IGSF21: variants seen among roughly 807,000 people sequenced by gnomAD.
The protein encoded by IGSF21 is immunoglobulin superfamily member 21.
A neutral mutation model predicts 46.8 loss-of-function variants in IGSF21; 28 were observed. The observed-to-expected ratio is 0.60, with a 90% confidence interval of 0.44 to 0.82. The LOEUF (loss-of-function observed/expected upper bound fraction) is 0.82. Ranked by LOEUF, IGSF21 falls within the 40% of genes least tolerant of loss-of-function variation. IGSF21 has a pLI of 0.00. For missense variants in IGSF21, 624 were observed against 665.5 expected, an observed-to-expected ratio of 0.94 and a Z score of 0.69; for synonymous variants, 284 against 273.6, an observed-to-expected ratio of 1.04 and a Z score of -0.38.
chr1:18,122,443 G>A lies in IGSF21; in HGVS notation c.70+14245G>A, dbSNP rs368809680. On this transcript the variant is annotated intron_variant, in intron 1 of 9. Transcript: ENST00000251296. Reference sequence around the variant, plus strand: ...TGACCTCAAGTGATCTTCCTGCCTCGGCCTCCCAAAGTGCTGGGATTATAG... The same window carrying A: ...TGACCTCAAGTGATCTTCCTGCCTCAGCCTCCCAAAGTGCTGGGATTATAG... Among the ~76,000 whole-genome samples, 31 of 151,568 alleles carry A rather than the reference G, an allele frequency of 2.0e-4. No homozygotes were observed. The South Asian group carries it at 4.8e-3, about 23-fold the overall frequency.
chr1:18,267,721 G>A (rs2085003609), intron 2 of IGSF21, among the ~76,000 whole-genome samples: 1 of 152,176 alleles, frequency 6.6e-6, no homozygotes, highest in Non-Finnish European at 1.5e-5. Context: ...ACCATGCCTG[G>A]GTCCACCGTC....
At chr1:18,122,037 T>C (rs2086238206) in intron 1 of IGSF21, among the ~76,000 whole-genome samples, 1 of 152,126 alleles carries the variant, frequency 6.6e-6, no homozygotes. Flanking sequence ...GCGGTAGGGG[T>C]ACTGCCTTAT....
At chr1:18,170,578 TG>T (rs2086727109) in intron 1 of IGSF21, among the ~76,000 whole-genome samples, 2 of 151,752 alleles carry the variant, frequency 1.3e-5, no homozygotes, top group South Asian at 4.2e-4. Flanking sequence ...AAGAATCCTA[TG>T]GGAATAGGTA....
intron 3 of IGSF21, among the ~76,000 whole-genome samples, chr1:18,304,952 C>T (rs1337600363): frequency 6.6e-6 from 1 of 152,186 alleles, no homozygotes; most frequent in Non-Finnish European, 1.5e-5. Flanking sequence ...GTGCTTCAAA[C>T]CTTCTTTAAT....
intron 1 of IGSF21, among the ~76,000 whole-genome samples, chr1:18,125,654 G>T (rs2086268489): frequency 6.6e-6 from 1 of 152,238 alleles, no homozygotes; most frequent in Non-Finnish European, 1.5e-5. Flanking sequence ...CAGATAGTGT[G>T]CTGGGCACTG....
intron 1 of IGSF21, chr1:18,114,219 T>A (rs1205919314): frequency 6.6e-6 from 1 of 152,164 alleles, no homozygotes; most frequent in Non-Finnish European, 1.5e-5. Flanking sequence ...AGACTCAAGT[T>A]GTTCCCCGCT....
At chr1:18,184,947 G>C (rs1010367266) in intron 1 of IGSF21, among the ~76,000 whole-genome samples, 3 of 152,206 alleles carry the variant, frequency 2.0e-5, no homozygotes, top group African/African-American at 7.2e-5. Context: ...TTCTCACCTG[G>C]AAAATGGGTT....
At chr1:18,308,220 A>T (rs2085447060) in intron 3 of IGSF21, among the ~76,000 whole-genome samples, 1 of 152,130 alleles carries the variant, frequency 6.6e-6, no homozygotes, top group Non-Finnish European at 1.5e-5. Context: ...AGAAGAATTA[A>T]CGGGGGATCT....
At chr1:18,344,198 C>G (rs2085870391) in intron 4 of IGSF21, among the ~76,000 whole-genome samples, 1 of 152,174 alleles carries the variant, frequency 6.6e-6, no homozygotes, top group Admixed American at 6.5e-5. Flanking sequence ...CTTTTCTTTT[C>G]CACTCTGTCA....
chr1:18,161,139 A>T (rs2086617444), intron 1 of IGSF21, among the ~76,000 whole-genome samples: 1 of 152,168 alleles, frequency 6.6e-6, no homozygotes, highest in East Asian at 1.9e-4. Context: ...AAGGAAAGAA[A>T]ACCCCGTGAC....
At chr1:18,225,083 T>TCACACACA (rs1309548249) in intron 1 of IGSF21, among the ~76,000 whole-genome samples, 2 of 54,906 alleles carry the variant, frequency 3.6e-5, no homozygotes. Context: ...TCTCTCTCTC[T>TCACACACA]CTCACACACA....
chr1:18,169,407 C>T (rs1248743736), intron 1 of IGSF21, among the ~76,000 whole-genome samples: 2 of 152,216 alleles, frequency 1.3e-5, no homozygotes, highest in Non-Finnish European at 2.9e-5. Context: ...ATTCCTCTAA[C>T]CCCCGTCTTG....
At chr1:18,144,464 A>C (rs1174815238) in intron 1 of IGSF21, among the ~76,000 whole-genome samples, 2 of 151,976 alleles carry the variant, frequency 1.3e-5, no homozygotes, top group East Asian at 3.9e-4. Flanking sequence ...TCTGCCCCTG[A>C]CCCTGAAGAG....
In IGSF21 at chr1:18,193,229, G is replaced by A. The variant is rs547796251; in HGVS notation, c.71-34669G>A. Among the ~76,000 whole-genome samples the A allele has an allele frequency of 2.0e-5, 3 of 152,246 alleles. No homozygotes were observed. In the East Asian group the frequency reaches 5.8e-4, roughly 29 times the overall value. On this transcript the variant is annotated intron_variant, in intron 1 of 9. Coordinates refer to ENST00000251296, the MANE Select transcript of IGSF21 (RefSeq NM_032880.5). ...GGAAGAGCAGCATAGAGGCCCCTGT[G>A]GAGAAAAGAGGCAGTGGGAGAGCCA...
intron 2 of IGSF21, among the ~76,000 whole-genome samples, chr1:18,249,264 G>A (rs1031406987): frequency 1.3e-5 from 2 of 152,148 alleles, no homozygotes; most frequent in African/African-American, 4.8e-5. Context: ...GGGGAGGGTG[G>A]GAGGTGTAAG....
intron 1 of IGSF21, among the ~76,000 whole-genome samples, chr1:18,173,654 T>TC (rs2086764667): frequency 6.6e-6 from 1 of 152,264 alleles, no homozygotes. Context: ...GACCACTCGT[T>TC]CATCCCTTTT....
intron 2 of IGSF21, among the ~76,000 whole-genome samples, chr1:18,276,733 T>G (rs2085106400): frequency 6.6e-6 from 1 of 152,090 alleles, no homozygotes; most frequent in Non-Finnish European, 1.5e-5. Flanking sequence ...TGATCTACAC[T>G]GGGGTTTCTG....
At chr1:18,199,387 G>A (rs1008459708) in intron 1 of IGSF21, among the ~76,000 whole-genome samples, 10 of 152,326 alleles carry the variant, frequency 6.6e-5, no homozygotes, top group African/African-American at 1.7e-4. Flanking sequence ...CTGGCTCAGA[G>A]TAAACTCCTC....
At chr1:18,193,074 A>G (rs182849891) in intron 1 of IGSF21, among the ~76,000 whole-genome samples, 109 of 152,028 alleles carry the variant, frequency 7.2e-4, no homozygotes, top group Admixed American at 6.1e-3. Context: ...GACAAGGGGA[A>G]AGAGAAGTGG....
Sources: allele counts gnomAD v4.1 joint callset (sites outside exome capture counted in the v4.1 genomes callset), GRCh38; gene constraint gnomAD v4.1.1; transcripts MANE v1.5; gene names NCBI Gene and HGNC (gene_info 2026-07-23, HGNC 2026-07-21).